Variants in CD200R1L observed in about 807,000 individuals in gnomAD.
CD200R1L encodes the protein CD200 receptor 1 like.
A neutral mutation model predicts 24.8 loss-of-function variants in CD200R1L; 14 were observed. That is an observed-to-expected ratio of 0.56 (90% CI 0.37 to 0.88). The LOEUF is 0.88. Among genes scored for constraint, CD200R1L ranks in the 40% least tolerant of loss-of-function variants. The pLI, the probability that CD200R1L is intolerant of heterozygous loss-of-function variation, is 0.00. For missense variants in CD200R1L, 299 were observed against 297.8 expected (o/e 1.00, Z -0.03); for synonymous variants, 111 against 109.2 (o/e 1.02, Z -0.11).
intron 2 of CD200R1L, among the ~76,000 whole-genome samples, chr3:112,839,970 A>G (rs940367768): frequency 6.6e-6 from 1 of 152,250 alleles, no homozygotes; most frequent in Non-Finnish European, 1.5e-5. Context: ...AAAGTGAGGT[A>G]GAGTGTGACC....
At chr3:112,829,296 C>A in intron 4 of CD200R1L, 23 bp downstream of exon 4, 1 of 1,594,654 alleles carries the variant, frequency 6.3e-7, no homozygotes, top group Non-Finnish European at 8.6e-7. Context: ...TCAGTGCTGG[C>A]CACTACTAAG....
chr3:112,845,796 T>C lies in CD200R1L; in HGVS notation c.-204A>G, dbSNP rs2107358661. ...TCCACTTTAAATCAATCAACAGACT[T>C]GGTGAATCTGTTTCTCTTGGTCACT... On this transcript the variant is annotated 5_prime_UTR_variant, in exon 2 of 8. Transcript: ENST00000488794. 8.1e-7 allele frequency: 1 copy of C among 1,237,836 alleles called. No homozygotes were observed. Among genetic ancestry groups the C allele is most frequent in the Non-Finnish European group, 1.2e-6 (1 of 845,770 alleles). 76.7% of individuals were successfully genotyped at this position (1,237,836 alleles called of 1,614,324 possible). A position where few individuals can be genotyped will look rare whatever the true frequency, so the allele number is the denominator to read the frequency against.
chr3:112,838,547 C>T (rs1939013886), intron 2 of CD200R1L, among the ~76,000 whole-genome samples: 1 of 151,146 alleles, frequency 6.6e-6, no homozygotes, highest in Non-Finnish European at 1.5e-5. Context: ...AACAGGAAAC[C>T]ATGAGATCAT....
chr3:112,817,092 G>A (rs1046320545), intron 7 of CD200R1L, among the ~76,000 whole-genome samples: 1 of 152,036 alleles, frequency 6.6e-6, no homozygotes, highest in Admixed American at 6.6e-5. Context: ...CTCTGCCGCA[G>A]TGTAGTATTT....
chr3:112,846,431 C>A (rs1939202299), intron 1 of CD200R1L, among the ~76,000 whole-genome samples, 194 bp downstream of exon 1: 1 of 152,188 alleles, frequency 6.6e-6, no homozygotes, highest in East Asian at 1.9e-4. Flanking sequence ...TAACATAAAG[C>A]TTCTAAGAAC....
intron 3 of CD200R1L, among the ~76,000 whole-genome samples, chr3:112,829,786 A>AT (rs761002620): frequency 9.2e-5 from 14 of 151,834 alleles, no homozygotes; most frequent in Middle Eastern, 3.4e-3. Flanking sequence ...TTCTCTGCAC[A>AT]TTTTTTTTCC....
rs749176630 is a variant in CD200R1L, at chr3:112,827,551, C to T, written c.183G>A (p.Lys61=). 4 of 1,614,116 alleles carry T rather than the reference C, an allele frequency of 2.5e-6. No homozygotes were observed. The South Asian group carries it at 4.4e-5, about 18-fold the overall frequency. ...TTTCCTTGGTCTCATTTGTTTCTTT[C>T]TTGTAGGCTTTTGTGCAGGAAGGCT... ...RGQPSCTKAY[K]KETNETKETN... Residue 61 remains lysine, a synonymous_variant, in exon 5 of 8, where the codon AAG becomes AAA. Coordinates refer to ENST00000488794, the MANE Select transcript of CD200R1L (RefSeq NM_001199215.3).
At position 112,834,002 on chromosome 3, in the gene CD200R1L, T is replaced by C. The variant is rs1408789152; in HGVS notation, c.-18+3940A>G. Among the ~76,000 whole-genome samples, 5 of 152,212 alleles carry C rather than the reference T, an allele frequency of 3.3e-5. No individual in the cohort carries two copies. In the East Asian group the frequency reaches 9.6e-4, roughly 29 times the overall value. ...ACCTGGAAGAGTCAAAATTGGAAGG[T>C]AGAGGACAAGAAGGTGTGGGGTAGA... On this transcript the variant is annotated intron_variant, in intron 3 of 7. Transcript: ENST00000488794.
At chr3:112,834,862 C>G (rs1938894706) in intron 3 of CD200R1L, among the ~76,000 whole-genome samples, 1 of 152,228 alleles carries the variant, frequency 6.6e-6, no homozygotes, top group Non-Finnish European at 1.5e-5. Context: ...CCCTGCAAGG[C>G]TGCAGCTTGA....
chr3:112,835,978 T>A (rs1027115053), intron 3 of CD200R1L, among the ~76,000 whole-genome samples: 3 of 152,196 alleles, frequency 2.0e-5, no homozygotes, highest in African/African-American at 7.2e-5. Flanking sequence ...ACAGCCGCAG[T>A]AGGCAAAGAG....
At chr3:112,816,348 C>T (rs989144161) in intron 7 of CD200R1L, among the ~76,000 whole-genome samples, 8 of 152,186 alleles carry the variant, frequency 5.3e-5, no homozygotes, top group African/African-American at 1.9e-4. Flanking sequence ...ACATGGTTCT[C>T]ATCCTCCATC....
chr3:112,845,831 TCTGTC>T lies in CD200R1L; in HGVS notation c.-244_-240del. 1.2e-6 allele frequency: 1 copy of T among 865,164 alleles called. No individual in the cohort carries two copies. The highest frequency in any genetic ancestry group is 1.9e-6 in the Non-Finnish European group (1 of 528,426). 53.6% of individuals were successfully genotyped at this position (865,164 alleles called of 1,614,324 possible). ...GTTTCTCTTGGTCACTTTTGCTTAT[TCTGTC>T]TTCAACAGGATTGCAAAACATATTT... On this transcript the variant is annotated 5_prime_UTR_variant, in exon 2 of 8. An upstream open reading frame in the 5' UTR loses its in-frame stop. Coordinates refer to ENST00000488794, the MANE Select transcript of CD200R1L (RefSeq NM_001199215.3).
intron 3 of CD200R1L, 26 bp from the exon 4 acceptor site, chr3:112,829,410 G>A: frequency 6.3e-7 from 1 of 1,598,528 alleles, no homozygotes; most frequent in Non-Finnish European, 8.6e-7. Context: ...AGAAGAATAA[G>A]CGAAATCAAT....
Position 112,819,783 on chromosome 3 carries a change from T to C in CD200R1L, c.729A>G (p.Ile243Met), listed in dbSNP as rs778565051. ...TCTTCAGTTCCTACCTGACATGATTTATCCTCTGGAAGAAAACAAATCCTG... is the reference window on the plus strand; with the variant it reads ...TCTTCAGTTCCTACCTGACATGATTCATCCTCTGGAAGAAAACAAATCCTG... ...VTTGFVFFQR[I>M]NHVRKVL is the part of the protein sequence containing the mutation. Residue 243 changes from isoleucine (I) to methionine (M), a missense_variant, in exon 7 of 8, where the codon ATA (isoleucine) becomes ATG (methionine). Coordinates refer to ENST00000488794, the MANE Select transcript of CD200R1L (RefSeq NM_001199215.3). 6.2e-7 allele frequency: 1 copy of C among 1,605,646 alleles called. No individual in the cohort carries two copies. Among genetic ancestry groups the C allele is most frequent in the South Asian group, 1.1e-5 (1 of 88,838 alleles).
intron 6 of CD200R1L, 26 bp downstream of exon 6, chr3:112,826,967 C>G (rs1938669635): frequency 2.6e-6 from 4 of 1,541,384 alleles, no homozygotes; most frequent in Non-Finnish European, 3.5e-6. Flanking sequence ...ATCAAGTTTA[C>G]TCTTCTACAA....
chr3:112,819,626 C>G, intron 7 of CD200R1L, 146 bp downstream of exon 7: 1 of 694,284 alleles, frequency 1.4e-6, no homozygotes, highest in Non-Finnish European at 2.1e-6. Flanking sequence ...GTTAATGATG[C>G]CTTCACATTA....
At position 112,827,110 on chromosome 3, in the gene CD200R1L, C is replaced by T. The variant is rs761769569; in HGVS notation, c.499G>A (p.Gly167Ser). ...SILATKQEYWGNGTVTVKSTC... is the reference protein window; with the variant it reads ...SILATKQEYWSNGTVTVKSTC... Reference sequence around the variant, plus strand: ...CTCTTAACCGTCACTGTGCCATTGCCCCAGTATTCTTGCTTAGTGGCAAGA... The same window carrying T: ...CTCTTAACCGTCACTGTGCCATTGCTCCAGTATTCTTGCTTAGTGGCAAGA... Residue 167 changes from glycine to serine, a missense_variant, in exon 6 of 8, where the codon GGC becomes AGC. Coordinates refer to ENST00000488794, the MANE Select transcript of CD200R1L (RefSeq NM_001199215.3). 1.7e-5 allele frequency: 27 copies of T among 1,613,300 alleles called. No individual in the cohort carries two copies. The highest frequency in any genetic ancestry group is 6.7e-5 in the African/African-American group (5 of 74,888).
chr3:112,834,876 G>A (rs990310935), intron 3 of CD200R1L, among the ~76,000 whole-genome samples: 2 of 152,172 alleles, frequency 1.3e-5, no homozygotes, highest in African/African-American at 4.8e-5. Flanking sequence ...AGCTTGACAG[G>A]CATACCATAA....
At chr3:112,825,295 G>A (rs1398681808) in intron 6 of CD200R1L, among the ~76,000 whole-genome samples, 2 of 150,038 alleles carry the variant, frequency 1.3e-5, no homozygotes, top group African/African-American at 2.5e-5. Flanking sequence ...GGGAACAGAG[G>A]AATAGAAGCA....
Sources: allele counts gnomAD v4.1 joint callset (sites outside exome capture counted in the v4.1 genomes callset), GRCh38; gene constraint gnomAD v4.1.1; transcripts MANE v1.5; gene names NCBI Gene and HGNC (gene_info 2026-07-23, HGNC 2026-07-21).